The following SV2C variants were observed in gnomAD, a reference collection of about 807,000 sequenced individuals.
SV2C encodes solute carrier family 22 member B3.
SV2C carries 49 observed loss-of-function variants against 79.7 expected under a neutral mutation model. The observed-to-expected ratio is 0.61, with a 90% CI of 0.49 to 0.78. SV2C has a LOEUF of 0.78. Among genes scored for constraint, SV2C ranks in the 30% least tolerant of loss-of-function variants. The pLI is 0.00. For synonymous variants in SV2C, 334 were observed against 333.2 expected (o/e 1.00, Z -0.03); for missense variants, 833 against 912.9 (o/e 0.91, Z 1.13).
intron 6 of SV2C, 108 bp downstream of exon 6, chr5:76,285,978 ACAG>A: frequency 1.1e-6 from 1 of 907,994 alleles, no homozygotes; most frequent in Admixed American, 2.6e-5. Context: ...GGTCTTTGAC[ACAG>A]CTACTCAGCT....
intron 4 of SV2C, among the ~76,000 whole-genome samples, chr5:76,233,214 G>A (rs1307311300): frequency 8.3e-6 from 1 of 120,564 alleles, no homozygotes; most frequent in East Asian, 2.1e-4. Flanking sequence ...GTGAATGGGA[G>A]TTCACTCATG....
chr5:76,118,919 G>T (rs1748380242), intron 1 of SV2C, among the ~76,000 whole-genome samples: 1 of 152,194 alleles, frequency 6.6e-6, no homozygotes, highest in Non-Finnish European at 1.5e-5. Flanking sequence ...GGAGGTAGAG[G>T]TTGTGGTGAG....
chr5:76,079,871 G>C (rs1166223380), upstream of SV2C: 2 of 154,204 alleles, frequency 1.3e-5, no homozygotes, highest in Admixed American at 6.5e-5. Context: ...TGAATTCCTT[G>C]AAGTTTTCTT....
intron 4 of SV2C, among the ~76,000 whole-genome samples, chr5:76,217,895 A>G (rs1744950596): frequency 6.6e-6 from 1 of 152,198 alleles, no homozygotes; most frequent in African/African-American, 2.4e-5. Context: ...GGCATGTACT[A>G]TATAAAGACC....
chr5:76,223,487 ATATATATATGTATATG>A (rs1561271325), intron 4 of SV2C, among the ~76,000 whole-genome samples: 9 of 38,938 alleles, frequency 2.3e-4, no homozygotes, highest in East Asian at 4.9e-4. Context: ...ATATATATAT[ATATATATATGTATATG>A]TATATAAAGA....
chr5:76,225,528 T>A (rs1414164562), intron 4 of SV2C, among the ~76,000 whole-genome samples: 1 of 152,092 alleles, frequency 6.6e-6, no homozygotes, highest in African/African-American at 2.4e-5. Context: ...GGAGGCAGAC[T>A]GTGATGAAAG....
the SV2C span, among the ~76,000 whole-genome samples, chr5:75,962,582 A>T: frequency 2.0e-5 from 3 of 152,118 alleles, no homozygotes; most frequent in Admixed American, 6.6e-5. Context: ...GGTGTCAGTG[A>T]TAACCCACTG....
At chr5:75,946,177 A>T in the SV2C span, among the ~76,000 whole-genome samples, 3 of 152,128 alleles carry the variant, frequency 2.0e-5, no homozygotes, top group African/African-American at 4.8e-5. Context: ...AAAATAGAAG[A>T]CACATACTGC....
At chr5:76,351,291 T>TA (rs1301349715) in intron 12 of SV2C, among the ~76,000 whole-genome samples, 1 of 151,654 alleles carries the variant, frequency 6.6e-6, no homozygotes, top group Non-Finnish European at 1.5e-5. Flanking sequence ...ACAAAAACAA[T>TA]AAAAAAATTA....
intron 10 of SV2C, 38 bp downstream of exon 10, chr5:76,298,965 T>A: frequency 6.2e-7 from 1 of 1,603,920 alleles, no homozygotes; most frequent in Non-Finnish European, 8.5e-7. Context: ...ACCTGAGGCC[T>A]CTCCAAAGGG....
intron 2 of SV2C, among the ~76,000 whole-genome samples, chr5:76,179,734 G>A (rs1440032865): frequency 1.3e-5 from 2 of 152,208 alleles, no homozygotes; most frequent in East Asian, 3.8e-4. Context: ...TGGATTAGGG[G>A]CAACATCCAT....
At chr5:75,943,715 A>C in the SV2C span, among the ~76,000 whole-genome samples, 4 of 152,144 alleles carry the variant, frequency 2.6e-5, no homozygotes, top group African/African-American at 9.7e-5. Context: ...TGTGGAAACA[A>C]GTGAGGTCTA....
At chr5:75,851,421 G>A in the SV2C span, among the ~76,000 whole-genome samples, 553 of 152,312 alleles carry the variant, frequency 3.6e-3, 6 homozygotes, top group African/African-American at 0.013. Context: ...GAAATAGCCG[G>A]TGTAGGCAGT....
chr5:76,276,351 C>T (rs1373597587), intron 4 of SV2C, among the ~76,000 whole-genome samples: 2 of 152,244 alleles, frequency 1.3e-5, no homozygotes, highest in African/African-American at 4.8e-5. Flanking sequence ...ACCCATCAGC[C>T]TTTGACCCTG....
chr5:75,960,794 T>C, the SV2C span, among the ~76,000 whole-genome samples: 1 of 151,988 alleles, frequency 6.6e-6, no homozygotes, highest in Non-Finnish European at 1.5e-5. Context: ...TATAAGTATC[T>C]CATATCTGCC....
At chr5:75,967,886 C>T in the SV2C span, among the ~76,000 whole-genome samples, 3 of 152,228 alleles carry the variant, frequency 2.0e-5, no homozygotes. Flanking sequence ...AAGTGGGTCC[C>T]TGACCCCCAA....
At chr5:76,344,444 C>G (rs1381352784) in intron 12 of SV2C, among the ~76,000 whole-genome samples, 1 of 152,224 alleles carries the variant, frequency 6.6e-6, no homozygotes, top group Non-Finnish European at 1.5e-5. Flanking sequence ...TGCGGTGGCT[C>G]ACGCCTGTAA....
the SV2C span, among the ~76,000 whole-genome samples, chr5:75,857,646 G>A: frequency 1.3e-5 from 2 of 152,166 alleles, no homozygotes; most frequent in African/African-American, 2.4e-5. Context: ...TGTGAAGGAT[G>A]TCATTGGTAT....
chr5:76,037,495 G>C, the SV2C span, among the ~76,000 whole-genome samples: 4 of 152,154 alleles, frequency 2.6e-5, no homozygotes, highest in African/African-American at 9.7e-5. Flanking sequence ...GTTTGTTGGA[G>C]TACCCGGCCG....
Sources: allele counts gnomAD v4.1 joint callset (sites outside exome capture counted in the v4.1 genomes callset), GRCh38; gene constraint gnomAD v4.1.1; transcripts MANE v1.5; gene names NCBI Gene and HGNC (gene_info 2026-07-23, HGNC 2026-07-21).